MTRF1: variants seen among roughly 807,000 people sequenced by gnomAD.
MTRF1 encodes the protein mitochondrial translation release factor 1.
A neutral mutation model predicts 62.9 loss-of-function variants in MTRF1; 51 were observed. The ratio of observed to expected loss-of-function variants is 0.81; its 90% CI spans 0.65 to 1.02. MTRF1 has a LOEUF of 1.02. Among genes scored for constraint, MTRF1 ranks in the 50% least tolerant of loss-of-function variants. The pLI is 0.00. For synonymous variants in MTRF1, 158 were observed against 181.9 expected (o/e 0.87, Z 1.06); for missense variants, 446 against 530.0 (o/e 0.84, Z 1.56).
At chr13:41,261,053 G>A (rs2040395077) in intron 1 of MTRF1, 138 bp from the exon 2 acceptor site, 1 of 863,592 alleles carries the variant, frequency 1.2e-6, no homozygotes. Flanking sequence ...TCAACTGCCG[G>A]CTGGCAGCAG....
chr13:41,250,246 A>G (rs1319234312), intron 5 of MTRF1, among the ~76,000 whole-genome samples: 1 of 152,098 alleles, frequency 6.6e-6, no homozygotes, highest in African/African-American at 2.4e-5. Context: ...TTTTGCTTCC[A>G]TAATATTTTA....
At chr13:41,305,831 T>C in the MTRF1 span, among the ~76,000 whole-genome samples, 1 of 151,622 alleles carries the variant, frequency 6.6e-6, no homozygotes, top group African/African-American at 2.4e-5. Context: ...TCAGCCCCCA[T>C]TGCTCTCAAA....
At chr13:41,238,282 A>G (rs1403632049) in intron 6 of MTRF1, among the ~76,000 whole-genome samples, 1 of 152,214 alleles carries the variant, frequency 6.6e-6, no homozygotes, top group East Asian at 1.9e-4. Flanking sequence ...TGATGGTATC[A>G]TTTCAAAAGG....
In MTRF1 at chr13:41,222,097, T is replaced by C. The variant is rs2033487987; in HGVS notation, c.1224+1159A>G. Reference sequence around the variant, plus strand: ...CCCTTGTAAAACTAGGACTTTAATTTTGAGAATAGGATGGGACAGAGTCAA... The same window carrying C: ...CCCTTGTAAAACTAGGACTTTAATTCTGAGAATAGGATGGGACAGAGTCAA... On this transcript the variant is annotated intron_variant, in intron 9 of 9. Transcript: ENST00000379480. 6.6e-5 allele frequency among the ~76,000 whole-genome samples: 10 copies of C among 152,198 alleles called. 1 individual carries two copies. The South Asian group carries it at 1.9e-3, about 28-fold the overall frequency.
chr13:41,267,326 G>T (rs2040852218), upstream of MTRF1, among the ~76,000 whole-genome samples: 1 of 151,970 alleles, frequency 6.6e-6, no homozygotes, highest in Admixed American at 6.6e-5. Context: ...AATTGTTTTT[G>T]GCAAAACTAC....
the MTRF1 span, among the ~76,000 whole-genome samples, chr13:41,274,371 T>A: frequency 3.3e-5 from 5 of 152,176 alleles, no homozygotes; most frequent in Non-Finnish European, 7.3e-5. Context: ...TCAAACTTAT[T>A]TTTTTGTTCA....
the MTRF1 span, among the ~76,000 whole-genome samples, chr13:41,309,348 G>A: frequency 2.2e-5 from 3 of 136,692 alleles, no homozygotes; most frequent in African/African-American, 5.2e-5. Context: ...GCTAGTGTGT[G>A]TGTGTGTGTG....
At chr13:41,259,806 T>C (rs1393070173) in intron 2 of MTRF1, among the ~76,000 whole-genome samples, 7 of 152,114 alleles carry the variant, frequency 4.6e-5, no homozygotes, top group African/African-American at 1.4e-4. Flanking sequence ...CAATCCAGGC[T>C]GGTTTGAGTG....
At chr13:41,269,465 TG>T in the MTRF1 span, among the ~76,000 whole-genome samples, 1 of 152,004 alleles carries the variant, frequency 6.6e-6, no homozygotes, top group African/African-American at 2.4e-5. Context: ...CCCAAAGTAC[TG>T]GGATTACAGG....
the MTRF1 span, among the ~76,000 whole-genome samples, chr13:41,274,034 G>A: frequency 3.3e-5 from 5 of 152,356 alleles, no homozygotes; most frequent in East Asian, 9.6e-4. Context: ...GTCTTAGTGA[G>A]ACCAGGGGTG....
chr13:41,256,474 G>C (rs186160240), intron 2 of MTRF1, among the ~76,000 whole-genome samples: 6 of 151,882 alleles, frequency 4.0e-5, no homozygotes, highest in African/African-American at 1.5e-4. Context: ...TTACAGGCGC[G>C]CACCACCACA....
At chr13:41,248,492 C>T (rs746036647) in intron 5 of MTRF1, among the ~76,000 whole-genome samples, 1 of 152,166 alleles carries the variant, frequency 6.6e-6, no homozygotes, top group Non-Finnish European at 1.5e-5. Flanking sequence ...CAGTGGGGTA[C>T]CACCAGTTGG....
chr13:41,227,377 G>A (rs1257780304), intron 7 of MTRF1, among the ~76,000 whole-genome samples: 2 of 151,948 alleles, frequency 1.3e-5, no homozygotes, highest in Non-Finnish European at 2.9e-5. Flanking sequence ...AATTTATAGT[G>A]AATGTTTCTG....
At chr13:41,220,520 A>G in intron 9 of MTRF1, 1 of 1,156,812 alleles carries the variant, frequency 8.6e-7, no homozygotes, top group South Asian at 1.3e-5. Flanking sequence ...CTCGATAAAT[A>G]AAAGTAAGAA....
chr13:41,305,608 C>G, the MTRF1 span, among the ~76,000 whole-genome samples: 2 of 152,200 alleles, frequency 1.3e-5, no homozygotes, highest in Non-Finnish European at 2.9e-5. Context: ...TCACCTTTCC[C>G]TTCTATTCCT....
upstream of MTRF1, among the ~76,000 whole-genome samples, chr13:41,265,027 T>C (rs995667731): frequency 1.3e-5 from 2 of 152,228 alleles, no homozygotes; most frequent in East Asian, 3.8e-4. Flanking sequence ...CTACATAAAG[T>C]CATTCTCCTA....
the MTRF1 span, among the ~76,000 whole-genome samples, chr13:41,283,589 T>TTTTTG: frequency 7.9e-6 from 1 of 126,430 alleles, no homozygotes; most frequent in East Asian, 2.3e-4. Context: ...GACAATCTTT[T>TTTTTG]TTTTTTTTTT....
the MTRF1 span, among the ~76,000 whole-genome samples, chr13:41,304,196 G>C: frequency 6.6e-6 from 1 of 152,298 alleles, no homozygotes; most frequent in Non-Finnish European, 1.5e-5. Context: ...ATGCCAATGA[G>C]AGATTAAGGA....
chr13:41,239,188 G>C (rs1026048457), intron 6 of MTRF1, among the ~76,000 whole-genome samples: 1 of 151,904 alleles, frequency 6.6e-6, no homozygotes, highest in Non-Finnish European at 1.5e-5. Flanking sequence ...ATCACCTTGA[G>C]CCCAGGAGTT....
Sources: gnomAD v4.1 joint callset for allele counts (sites outside exome capture counted in the v4.1 genomes callset) on GRCh38, gnomAD v4.1.1 for gene constraint, MANE v1.5 for transcripts, NCBI Gene and HGNC (gene_info 2026-07-23, HGNC 2026-07-21) for gene names.